The following MTURN variants were observed in gnomAD, a reference collection of about 807,000 sequenced individuals.
MTURN encodes the protein maturin, neural progenitor differentiation regulator homolog.
Under a neutral mutation model 14.9 loss-of-function variants are expected in MTURN, and 7 were observed. That is an observed-to-expected ratio of 0.47 (90% CI 0.27 to 0.88). The LOEUF (loss-of-function observed/expected upper bound fraction) is 0.88. Ranked by LOEUF, MTURN falls within the 40% of genes least tolerant of loss-of-function variation. The pLI, the probability that MTURN is intolerant of heterozygous loss-of-function variation, is 0.14. For missense variants in MTURN, 151 were observed against 174.1 expected (o/e 0.87, Z 0.75); for synonymous variants, 69 against 72.5 (o/e 0.95, Z 0.25).
chr7:30,152,706 C>T (rs899144926), intron 2 of MTURN, among the ~76,000 whole-genome samples: 1 of 152,156 alleles, frequency 6.6e-6, no homozygotes, highest in African/African-American at 2.4e-5. Context: ...GACCTTCTAG[C>T]CCACTGTGCT....
chr7:30,140,109 C>T lies in MTURN; in HGVS notation c.162+4811C>T, dbSNP rs1053678894. ...ACTCCTAGGCATGGAGCACCAGCTG[C>T]GTTCCTTCCTTGTCTTAGGCCACGA... On this transcript the variant is annotated intron_variant, in intron 1 of 2. Transcript: ENST00000324453. Among the ~76,000 whole-genome samples the T allele has an allele frequency of 2.0e-5, 3 of 152,142 alleles. No individual in the cohort carries two copies. In the East Asian group the frequency reaches 5.8e-4, roughly 29 times the overall value.
intron 2 of MTURN, among the ~76,000 whole-genome samples, chr7:30,154,326 A>G (rs919221807): frequency 6.6e-6 from 1 of 152,044 alleles, no homozygotes; most frequent in Admixed American, 6.5e-5. Context: ...CATTCATTTA[A>G]CCCAGAACTC....
intron 1 of MTURN, among the ~76,000 whole-genome samples, chr7:30,140,415 G>GTGTGTGTGTGTATATATATATATATA (rs33952294): frequency 1.2e-3 from 175 of 143,810 alleles, no homozygotes; most frequent in Admixed American, 2.8e-3. Flanking sequence ...GTGTGTGTGT[G>GTGTGTGTGTGTATATATATATATATA]TATCCCCATT....
chr7:30,154,591 G>A (rs10264602), intron 2 of MTURN, among the ~76,000 whole-genome samples: 2,702 of 152,280 alleles, frequency 0.018, 37 homozygotes, highest in Middle Eastern at 0.055. Flanking sequence ...GTATCATGGC[G>A]CTTTACAGAG....
rs1797121206 is a variant in MTURN at position 30,145,840 on chromosome 7, T to C, written c.163-337T>C. The C allele has an allele frequency of 1.9e-6, 3 of 1,539,852 alleles. No individual in the cohort carries two copies. In the African/African-American group the frequency reaches 4.1e-5, roughly 21 times the overall value. The stretch of plus-strand genomic sequence containing the variant: ...AAAGGCTCTGGTTTCTCCTTCCCCA[T>C]GTCTGAAAACCGCCCTTAGCCTGCA... On this transcript the variant is annotated intron_variant, in intron 1 of 2. Transcript: ENST00000324453.
intron 1 of MTURN, among the ~76,000 whole-genome samples, chr7:30,135,930 C>G (rs947159706): frequency 2.0e-5 from 3 of 152,268 alleles, no homozygotes; most frequent in African/African-American, 7.2e-5. Flanking sequence ...GAATTACACC[C>G]CGGATCTTAA....
chr7:30,136,721 G>A (rs1796968932), intron 1 of MTURN, among the ~76,000 whole-genome samples: 1 of 152,184 alleles, frequency 6.6e-6, no homozygotes, highest in African/African-American at 2.4e-5. Flanking sequence ...ATGGCCTTGT[G>A]TGACAGCCAG....
chr7:30,139,404 A>G (rs1344198280), intron 1 of MTURN, among the ~76,000 whole-genome samples: 2 of 152,226 alleles, frequency 1.3e-5, no homozygotes, highest in African/African-American at 2.4e-5. Flanking sequence ...TCCACAGTTA[A>G]TAAGTGGTAG....
chr7:30,137,977 C>T (rs763428825), intron 1 of MTURN, among the ~76,000 whole-genome samples: 13 of 152,270 alleles, frequency 8.5e-5, no homozygotes, highest in Admixed American at 2.6e-4. Flanking sequence ...GTTCCTGGGG[C>T]AATTTTTACT....
chr7:30,150,494 G>T (rs1308935876), intron 2 of MTURN, among the ~76,000 whole-genome samples: 2 of 152,238 alleles, frequency 1.3e-5, no homozygotes. Context: ...TCCTCCCAGA[G>T]GGGCACGTGG....
chr7:30,148,330 G>A (rs1275391955), intron 2 of MTURN, among the ~76,000 whole-genome samples: 1 of 152,250 alleles, frequency 6.6e-6, no homozygotes, highest in Non-Finnish European at 1.5e-5. Context: ...AGCAGGAGCG[G>A]CCAGTGTGGC....
Position 30,158,897 on chromosome 7 carries a change from G to T in MTURN, c.*1349G>T, listed in dbSNP as rs1294881313. On this transcript the variant is annotated 3_prime_UTR_variant, in exon 3 of 3. Transcript: ENST00000324453. ...TGGGTACGTTTAAACAGTCACACAT[G>T]TGCCTGTTAGGTTGTGAAAGTTTTG... 1 of 152,128 alleles carries T rather than the reference G, an allele frequency of 6.6e-6. No individual in the cohort carries two copies. The highest frequency in any genetic ancestry group is 2.4e-5 in the African/African-American group (1 of 41,420). 9.4% of individuals were successfully genotyped at this position (152,128 alleles called of 1,614,324 possible).
At position 30,159,023 on chromosome 7, in the gene MTURN, G is replaced by A. The variant is rs1797330573; in HGVS notation, c.*1475G>A. On this transcript the variant is annotated 3_prime_UTR_variant, in exon 3 of 3. Transcript: ENST00000324453. Reference sequence around the variant, plus strand: ...AAACCTGATTGTCTCGACATTTTCTGTTTAATTGATTGGTGCTGTGAGGAG... The same window carrying A: ...AAACCTGATTGTCTCGACATTTTCTATTTAATTGATTGGTGCTGTGAGGAG... 6.6e-6 allele frequency: 1 copy of A among 152,138 alleles called. No individual in the cohort carries two copies. Among genetic ancestry groups the A allele is most frequent in the South Asian group, 2.1e-4 (1 of 4,832 alleles). 9.4% of individuals were successfully genotyped at this position (152,138 alleles called of 1,614,324 possible).
In MTURN at chr7:30,153,550, C is replaced by T. The variant is rs542338279; in HGVS notation, c.286-3888C>T. On this transcript the variant is annotated intron_variant, in intron 2 of 2. Coordinates refer to ENST00000324453, the MANE Select transcript of MTURN (RefSeq NM_152793.3). ...AGGTTTGAATTGAATCCTGGCTCTGCCACTTACTGGGTGACTCTAGGCAAG... is the reference window on the plus strand; with the variant it reads ...AGGTTTGAATTGAATCCTGGCTCTGTCACTTACTGGGTGACTCTAGGCAAG... Among the ~76,000 whole-genome samples, 4 of 152,188 alleles carry T rather than the reference C, an allele frequency of 2.6e-5. No individual in the cohort carries two copies. The South Asian group carries it at 6.2e-4, about 24-fold the overall frequency.
intron 2 of MTURN, among the ~76,000 whole-genome samples, chr7:30,153,655 G>C (rs1283328588): frequency 6.6e-6 from 1 of 152,196 alleles, no homozygotes; most frequent in Non-Finnish European, 1.5e-5. Context: ...AGGAGCAAAG[G>C]AGTTAATGTG....
rs1236593012 is a variant in MTURN at position 30,157,603 on chromosome 7, C to T, written c.*55C>T. On this transcript the variant is annotated 3_prime_UTR_variant, in exon 3 of 3. Coordinates refer to ENST00000324453, the MANE Select transcript of MTURN (RefSeq NM_152793.3). ...AGCCCCACAGTAACCTAGGTGGGGT[C>T]ACTGCCCCTCCTGGGTTAGCATTTT... 5.1e-5 allele frequency: 68 copies of T among 1,335,436 alleles called. No individual in the cohort carries two copies. Among genetic ancestry groups the T allele is most frequent in the Non-Finnish European group, 7.0e-5 (68 of 976,880 alleles). 82.7% of individuals were successfully genotyped at this position (1,335,436 alleles called of 1,614,324 possible).
In MTURN at chr7:30,159,441, A is replaced by G. The variant is rs1382537564; in HGVS notation, c.*1893A>G. On this transcript the variant is annotated 3_prime_UTR_variant, in exon 3 of 3. Coordinates refer to ENST00000324453, the MANE Select transcript of MTURN (RefSeq NM_152793.3). ...TCACTAGCTTGCTCCATTGGAAGGTAAACTGAAATTTTATACGTTGAAGCT... is the reference window on the plus strand; with the variant it reads ...TCACTAGCTTGCTCCATTGGAAGGTGAACTGAAATTTTATACGTTGAAGCT... 3 of 152,356 alleles carry G rather than the reference A, an allele frequency of 2.0e-5. No homozygotes were observed. Among genetic ancestry groups the G allele is most frequent in the Admixed American group, 2.0e-4 (3 of 15,278 alleles). 9.4% of individuals were successfully genotyped at this position (152,356 alleles called of 1,614,324 possible).
At chr7:30,157,323 G>T (rs1235834589) in intron 2 of MTURN, 115 bp from the exon 3 acceptor site, 4 of 692,384 alleles carry the variant, frequency 5.8e-6, no homozygotes, top group African/African-American at 1.8e-5. Flanking sequence ...TGACGGGGAA[G>T]TCTGCAGCTG....
At chr7:30,156,558 G>A (rs1206766438) in intron 2 of MTURN, among the ~76,000 whole-genome samples, 2 of 152,082 alleles carry the variant, frequency 1.3e-5, no homozygotes, top group African/African-American at 2.4e-5. Flanking sequence ...CAGGCATGGT[G>A]GCTCACGCCT....
Sources: allele counts gnomAD v4.1 joint callset (sites outside exome capture counted in the v4.1 genomes callset), GRCh38; gene constraint gnomAD v4.1.1; transcripts MANE v1.5; gene names NCBI Gene and HGNC (gene_info 2026-07-23, HGNC 2026-07-21).